RYR3: variants seen among roughly 807,000 people sequenced by gnomAD.
The protein encoded by RYR3 is ryanodine receptor 3.
Under a neutral mutation model 584.3 loss-of-function variants are expected in RYR3, and 207 were observed. The ratio of observed to expected loss-of-function variants is 0.35; its 90% CI spans 0.32 to 0.40. The LOEUF (loss-of-function observed/expected upper bound fraction) is 0.40, where lower values mean the gene tolerates loss of function less well. Ranked by LOEUF, RYR3 falls within the 10% of genes least tolerant of loss-of-function variation. The pLI, the probability that RYR3 is intolerant of heterozygous loss-of-function variation, is 1.00. For missense variants in RYR3, 5,616 were observed against 6,089.2 expected, an observed-to-expected ratio of 0.92 and a Z score of 2.59; for synonymous variants, 2,416 against 2,248.5, an observed-to-expected ratio of 1.07 and a Z score of -2.11.
At chr15:33,818,376 A>G (rs1488162817) in intron 75 of RYR3, among the ~76,000 whole-genome samples, 1 of 152,226 alleles carries the variant, frequency 6.6e-6, no homozygotes, top group African/African-American at 2.4e-5. Flanking sequence ...TAAAAAATAT[A>G]CAAACATATA....
intron 16 of RYR3, among the ~76,000 whole-genome samples, chr15:33,594,377 G>A (rs2059273944): frequency 6.6e-6 from 1 of 152,170 alleles, no homozygotes; most frequent in Non-Finnish European, 1.5e-5. Flanking sequence ...GGAGAAGTTA[G>A]GTAGAGAGAA....
At chr15:33,477,668 G>A (rs1246992397) in intron 2 of RYR3, among the ~76,000 whole-genome samples, 1 of 151,130 alleles carries the variant, frequency 6.6e-6, no homozygotes, top group African/African-American at 2.4e-5. Context: ...GAGGTCAGGA[G>A]ATGGAGACCA....
intron 1 of RYR3, among the ~76,000 whole-genome samples, chr15:33,414,303 G>A (rs987158249): frequency 6.6e-6 from 1 of 152,170 alleles, no homozygotes; most frequent in Non-Finnish European, 1.5e-5. Flanking sequence ...TAAATGGTTT[G>A]GAGAGTGGTA....
At chr15:33,384,713 TCTTAG>T (rs2041466625) in intron 1 of RYR3, among the ~76,000 whole-genome samples, 1 of 151,868 alleles carries the variant, frequency 6.6e-6, no homozygotes, top group African/African-American at 2.4e-5. Context: ...AACTCTACTC[TCTTAG>T]CAATTTTCAA....
At chr15:33,400,904 T>A (rs1346000376) in intron 1 of RYR3, among the ~76,000 whole-genome samples, 1 of 152,204 alleles carries the variant, frequency 6.6e-6, no homozygotes, top group African/African-American at 2.4e-5. Context: ...ACAGTTTGGG[T>A]CAATCATACT....
At chr15:33,632,873 T>A in intron 23 of RYR3, 76 bp from the exon 24 acceptor site, 1 of 1,296,606 alleles carries the variant, frequency 7.7e-7, no homozygotes, top group South Asian at 1.4e-5. Flanking sequence ...TCTTACCATG[T>A]GCTCTTGGTC....
At chr15:33,605,728 A>G (rs1239093672) in intron 18 of RYR3, among the ~76,000 whole-genome samples, 1 of 152,058 alleles carries the variant, frequency 6.6e-6, no homozygotes, top group Non-Finnish European at 1.5e-5. Context: ...TATGTCAGGA[A>G]TATTTCTTCA....
At chr15:33,567,716 C>G (rs1486469500) in intron 12 of RYR3, among the ~76,000 whole-genome samples, 1 of 152,124 alleles carries the variant, frequency 6.6e-6, no homozygotes, top group Non-Finnish European at 1.5e-5. Flanking sequence ...ATCCCTGGAC[C>G]AGAGCATCAG....
intron 69 of RYR3, among the ~76,000 whole-genome samples, chr15:33,807,177 A>C (rs2076255940): frequency 6.6e-6 from 1 of 152,196 alleles, no homozygotes; most frequent in African/African-American, 2.4e-5. Context: ...GTTATACAAC[A>C]GATTGTCTAT....
intron 38 of RYR3, among the ~76,000 whole-genome samples, chr15:33,695,739 A>C (rs1311351510): frequency 6.6e-6 from 1 of 151,970 alleles, no homozygotes; most frequent in Non-Finnish European, 1.5e-5. Flanking sequence ...TCTTTTGATG[A>C]TATATTCTAC....
Position 33,855,357 on chromosome 15 carries a change from C to A in RYR3, c.14007+445C>A, listed in dbSNP as rs183074392. Among the ~76,000 whole-genome samples, 28 of 152,324 alleles carry A rather than the reference C, an allele frequency of 1.8e-4. No homozygotes were observed. The East Asian group carries it at 4.6e-3, about 25-fold the overall frequency. On this transcript the variant is annotated intron_variant, in intron 98 of 103. Coordinates refer to ENST00000634891, the MANE Select transcript of RYR3 (RefSeq NM_001036.6). The stretch of plus-strand genomic sequence containing the variant: ...TAGCTGGGATTACAGGCACATGCCA[C>A]CATGCCCGGCTAATTTTTGTATTTT...
chr15:33,651,701 T>C lies in RYR3; in HGVS notation c.4143-1017T>C, dbSNP rs772076385. Reference sequence around the variant, plus strand: ...TGCCCCTATGTGGCCTTGCCCTCCATGCTGAGGACCACAACAGGAAGCCAA... The same window carrying C: ...TGCCCCTATGTGGCCTTGCCCTCCACGCTGAGGACCACAACAGGAAGCCAA... On this transcript the variant is annotated intron_variant, in intron 31 of 103. Transcript: ENST00000634891. Among the ~76,000 whole-genome samples the C allele has an allele frequency of 9.7e-4, 148 of 152,194 alleles. 1 individual carries two copies. Among genetic ancestry groups the C allele is most frequent in the Non-Finnish European group, 8.4e-4 (57 of 68,022 alleles).
At chr15:33,479,395 A>G (rs1185468005) in intron 2 of RYR3, among the ~76,000 whole-genome samples, 1 of 149,870 alleles carries the variant, frequency 6.7e-6, no homozygotes, top group East Asian at 2.0e-4. Flanking sequence ...TGGACCTGAG[A>G]TCTTATGAAA....
At chr15:33,602,772 G>A (rs1224751258) in intron 17 of RYR3, among the ~76,000 whole-genome samples, 1 of 111,808 alleles carries the variant, frequency 8.9e-6, no homozygotes, top group East Asian at 3.0e-4. Flanking sequence ...TGGAGACAAG[G>A]TCTCACTCTG....
At chr15:33,789,209 C>T (rs8042318) in intron 67 of RYR3, among the ~76,000 whole-genome samples, 91,322 of 151,838 alleles carry the variant, frequency 0.6, 28,770 homozygotes, top group East Asian at 0.96. Flanking sequence ...AGAGGCAACA[C>T]GGGGCCGAGA....
rs1489631792 is a variant in RYR3, at chr15:33,455,477, G to C, written c.52-17942G>C. Among the ~76,000 whole-genome samples the C allele has an allele frequency of 5.3e-5, 8 of 152,014 alleles. No homozygotes were observed. The East Asian group carries it at 1.5e-3, about 29-fold the overall frequency. On this transcript the variant is annotated intron_variant, in intron 1 of 103. Coordinates refer to ENST00000634891, the MANE Select transcript of RYR3 (RefSeq NM_001036.6). The stretch of plus-strand genomic sequence containing the variant: ...GCACAAGAGGCTGAATGAGAGGATG[G>C]GAAGCTTTTCAGGAGAGGAGTACGT...
At chr15:33,613,073 C>T (rs2060275938) in intron 18 of RYR3, 110 bp from the exon 19 acceptor site, 1 of 741,076 alleles carries the variant, frequency 1.3e-6, no homozygotes, top group Non-Finnish European at 2.3e-6. Context: ...CTCCGGACCT[C>T]TTGAGTACCC....
intron 1 of RYR3, among the ~76,000 whole-genome samples, chr15:33,427,030 T>C (rs1051642394): frequency 6.6e-6 from 1 of 152,144 alleles, no homozygotes; most frequent in African/African-American, 2.4e-5. Context: ...ACATGAAGGA[T>C]TTAGACTTCA....
rs577412857 is a variant in RYR3 at position 33,662,212 on chromosome 15, C to T, written c.4682C>T (p.Thr1561Met). Residue 1561 changes from threonine to methionine, a missense_variant, in exon 35 of 104, where the codon ACG becomes ATG. Thr to Met is a moderately conservative substitution (Grantham distance 81, BLOSUM62 -1). Transcript: ENST00000634891. The stretch of plus-strand genomic sequence containing the variant: ...GACCTGATGCGGTTCCATTACCACA[C>T]GCTGAGGCTCTACAGCGCGGTGTGC... ...QEDLMRFHYHTLRLYSAVCAL... is the reference protein window; with the variant it reads ...QEDLMRFHYHMLRLYSAVCAL... 57 of 1,608,176 alleles carry T rather than the reference C, an allele frequency of 3.5e-5. No homozygotes were observed. Among genetic ancestry groups the T allele is most frequent in the South Asian group, 1.6e-4 (14 of 89,594 alleles).
Sources: allele counts gnomAD v4.1 joint callset (sites outside exome capture counted in the v4.1 genomes callset), GRCh38; gene constraint gnomAD v4.1.1; transcripts MANE v1.5; gene names NCBI Gene and HGNC (gene_info 2026-07-23, HGNC 2026-07-21).